The following PLCZ1 variants were observed in gnomAD, a reference collection of about 807,000 sequenced individuals.
PLCZ1 encodes the protein phospholipase C zeta 1, also known as 1-phosphatidylinositol 4,5-bisphosphate phosphodiesterase zeta-1.
Under a neutral mutation model 76.8 loss-of-function variants are expected in PLCZ1, and 64 were observed. The observed-to-expected ratio is 0.83, with a 90% CI of 0.68 to 1.03. The LOEUF (loss-of-function observed/expected upper bound fraction) is 1.03, where lower values mean the gene tolerates loss of function less well. Among genes scored for constraint, PLCZ1 ranks in the 50% least tolerant of loss-of-function variants. PLCZ1 has a pLI of 0.00. For synonymous variants in PLCZ1, 248 were observed against 230.8 expected (o/e 1.07, Z -0.68); for missense variants, 751 against 713.7 (o/e 1.05, Z -0.60).
intron 12 of PLCZ1, chr12:18,693,833 T>C (rs963366996): frequency 2.0e-4 from 301 of 1,529,748 alleles, no homozygotes; most frequent in Non-Finnish European, 2.6e-4. Flanking sequence ...GAAGATTGAG[T>C]TCCCCCTGCC....
At chr12:18,694,241 T>C in intron 12 of PLCZ1, 4 of 601,924 alleles carry the variant, frequency 6.6e-6, no homozygotes, top group Non-Finnish European at 9.0e-6. Flanking sequence ...GAGTACGATG[T>C]GTAAGTGCCC....
the PLCZ1 span, among the ~76,000 whole-genome samples, chr12:18,646,662 A>G: frequency 1.3e-5 from 2 of 152,142 alleles, no homozygotes; most frequent in African/African-American, 4.8e-5. Context: ...GAAAGTTTCT[A>G]TCTTGTGACT....
chr12:18,676,017 A>C, the PLCZ1 span, among the ~76,000 whole-genome samples: 1 of 151,960 alleles, frequency 6.6e-6, no homozygotes, highest in Non-Finnish European at 1.5e-5. Flanking sequence ...ATTTAAAAAA[A>C]AACTTTTTGA....
At chr12:18,653,974 A>G in the PLCZ1 span, among the ~76,000 whole-genome samples, 3 of 152,154 alleles carry the variant, frequency 2.0e-5, no homozygotes, top group African/African-American at 7.2e-5. Context: ...CCAAGAATCA[A>G]GAAATAACTT....
chr12:18,681,139 A>T (rs562969313), downstream of PLCZ1, among the ~76,000 whole-genome samples: 62 of 152,162 alleles, frequency 4.1e-4, no homozygotes, highest in African/African-American at 1.4e-3. Flanking sequence ...TTCAACAAGG[A>T]AACACGACAG....
At chr12:18,725,884 T>C (rs1958724275) in intron 3 of PLCZ1, among the ~76,000 whole-genome samples, 1 of 152,148 alleles carries the variant, frequency 6.6e-6, no homozygotes, top group Non-Finnish European at 1.5e-5. Flanking sequence ...TCTTCCTCTG[T>C]ATCTCCTCCC....
At chr12:18,675,661 A>G in the PLCZ1 span, among the ~76,000 whole-genome samples, 1 of 152,174 alleles carries the variant, frequency 6.6e-6, no homozygotes, top group Non-Finnish European at 1.5e-5. Context: ...AATGTGATAT[A>G]TATATCTATA....
At chr12:18,682,397 G>A (rs1318097481), downstream of PLCZ1, among the ~76,000 whole-genome samples, 2 of 151,896 alleles carry the variant, frequency 1.3e-5, no homozygotes, top group Non-Finnish European at 2.9e-5. Flanking sequence ...TTTGTGCTGG[G>A]TGCTTTCACA....
At chr12:18,647,169 A>G in the PLCZ1 span, among the ~76,000 whole-genome samples, 1 of 152,168 alleles carries the variant, frequency 6.6e-6, no homozygotes, top group Admixed American at 6.6e-5. Flanking sequence ...AAGTAACCAC[A>G]GTATTATGCC....
chr12:18,737,553 G>C (rs549280132), intron 1 of PLCZ1, 44 bp from the exon 2 acceptor site: 13 of 777,304 alleles, frequency 1.7e-5, no homozygotes, highest in Middle Eastern at 2.3e-4. Context: ...TTTTGCCTTC[G>C]TTCTTTGAAG....
the PLCZ1 span, among the ~76,000 whole-genome samples, chr12:18,650,750 ATATATATATATATAT>A: frequency 2.4e-5 from 2 of 82,132 alleles, no homozygotes; most frequent in African/African-American, 1.2e-4. Context: ...ATATATATAT[ATATATATATATATAT>A]TCCAGTCCAT....
At chr12:18,650,700 G>GTA in the PLCZ1 span, among the ~76,000 whole-genome samples, 3 of 43,840 alleles carry the variant, frequency 6.8e-5, no homozygotes, top group African/African-American at 9.2e-5. Flanking sequence ...GTGTGTGTGT[G>GTA]TGTGTATATA....
At chr12:18,732,817 A>T (rs189663035) in intron 3 of PLCZ1, among the ~76,000 whole-genome samples, 1 of 152,212 alleles carries the variant, frequency 6.6e-6, no homozygotes. Context: ...TTTTTTCAGG[A>T]TGAGTAATAT....
chr12:18,650,566 C>A, the PLCZ1 span, among the ~76,000 whole-genome samples: 1 of 148,558 alleles, frequency 6.7e-6, no homozygotes, highest in Admixed American at 6.7e-5. Flanking sequence ...AAAGTCTATA[C>A]ATTTATTTAC....
At chr12:18,664,828 C>G in the PLCZ1 span, among the ~76,000 whole-genome samples, 1 of 150,578 alleles carries the variant, frequency 6.6e-6, no homozygotes, top group Non-Finnish European at 1.5e-5. Flanking sequence ...TATGCAGCCA[C>G]AAAAAATGAT....
downstream of PLCZ1, among the ~76,000 whole-genome samples, chr12:18,679,297 A>T (rs546649778): frequency 2.2e-3 from 336 of 152,138 alleles, no homozygotes; most frequent in African/African-American, 7.4e-3. Flanking sequence ...TTTTAAAAAA[A>T]TTTTGATGAA....
At chr12:18,733,375 A>C (rs985738311) in intron 3 of PLCZ1, among the ~76,000 whole-genome samples, 1 of 152,086 alleles carries the variant, frequency 6.6e-6, no homozygotes, top group African/African-American at 2.4e-5. Flanking sequence ...TGGCTTGCAA[A>C]TATTTTCTTT....
the PLCZ1 span, among the ~76,000 whole-genome samples, chr12:18,651,942 T>A: frequency 1.3e-5 from 2 of 152,136 alleles, no homozygotes; most frequent in Non-Finnish European, 2.9e-5. Context: ...TCAGCAGGGA[T>A]CTCTAAGGAT....
At chr12:18,692,065 C>T (rs756694493) in intron 12 of PLCZ1, among the ~76,000 whole-genome samples, 1 of 152,112 alleles carries the variant, frequency 6.6e-6, no homozygotes, top group Non-Finnish European at 1.5e-5. Context: ...CAGGAAAAGT[C>T]GCAGGAGAAG....
Sources: gnomAD v4.1 joint callset for allele counts (sites outside exome capture counted in the v4.1 genomes callset) on GRCh38, gnomAD v4.1.1 for gene constraint, MANE v1.5 for transcripts, NCBI Gene and HGNC (gene_info 2026-07-23, HGNC 2026-07-21) for gene names.